Variants in RPS6KA5 observed in about 807,000 individuals in gnomAD.
The protein encoded by RPS6KA5 is ribosomal protein S6 kinase A5.
Under a neutral mutation model 85.5 loss-of-function variants are expected in RPS6KA5, and 27 were observed. The observed-to-expected ratio is 0.32, with a 90% CI of 0.23 to 0.44. The LOEUF (loss-of-function observed/expected upper bound fraction) is 0.44. Ranked by LOEUF, RPS6KA5 falls within the 20% of genes least tolerant of loss-of-function variation. RPS6KA5 has a pLI of 1.00. For missense variants in RPS6KA5, 811 were observed against 980.9 expected (o/e 0.83, Z 2.31); for synonymous variants, 334 against 348.2 (o/e 0.96, Z 0.46).
chr14:91,005,199 A>G (rs1344518339), intron 1 of RPS6KA5, among the ~76,000 whole-genome samples: 1 of 152,176 alleles, frequency 6.6e-6, no homozygotes, highest in Non-Finnish European at 1.5e-5. Flanking sequence ...CTTGGCCTAC[A>G]GTCTTTGAGT....
chr14:90,932,834 A>G (rs918612172), intron 5 of RPS6KA5, among the ~76,000 whole-genome samples: 1 of 152,134 alleles, frequency 6.6e-6, no homozygotes, highest in African/African-American at 2.4e-5. Context: ...TAGGAGATAG[A>G]TATCTGGGTT....
At chr14:90,903,248 A>G (rs968607136) in intron 8 of RPS6KA5, among the ~76,000 whole-genome samples, 6 of 138,114 alleles carry the variant, frequency 4.3e-5, no homozygotes, top group African/African-American at 1.5e-4. Flanking sequence ...TAAAGACAAC[A>G]GAAGAATACT....
intron 7 of RPS6KA5, among the ~76,000 whole-genome samples, chr14:90,910,764 C>A (rs1255956517): frequency 6.6e-6 from 1 of 151,752 alleles, no homozygotes; most frequent in Non-Finnish European, 1.5e-5. Flanking sequence ...CAGCTCACTG[C>A]AAGCTCCGCC....
chr14:90,934,063 T>C (rs1222905703), intron 5 of RPS6KA5, among the ~76,000 whole-genome samples: 4 of 152,196 alleles, frequency 2.6e-5, no homozygotes, highest in Non-Finnish European at 5.9e-5. Context: ...CCTACTATAC[T>C]TGTCTTCTTG....
chr14:90,880,441 C>T (rs1232292469), intron 14 of RPS6KA5, among the ~76,000 whole-genome samples: 3 of 152,334 alleles, frequency 2.0e-5, no homozygotes, highest in South Asian at 2.1e-4. Context: ...TGTTTTTGTA[C>T]ATGTGAGAAC....
Position 90,980,152 on chromosome 14 carries a change from A to G in RPS6KA5, c.176-1628T>C, listed in dbSNP as rs185240145. On this transcript the variant is annotated intron_variant, in intron 2 of 16. Transcript: ENST00000614987. ...GAACCTAACAAATTAGGGTATACAA[A>G]TAAAAAAATGTTTATCTATTCAGAA... Among the ~76,000 whole-genome samples the G allele has an allele frequency of 1.1e-3, 174 of 152,350 alleles. 2 individuals carry two copies. The highest frequency in any genetic ancestry group is 6.8e-3 in the Middle Eastern group (2 of 294).
At position 90,949,249 on chromosome 14, in the gene RPS6KA5, A is replaced by G. The variant is rs1169288983; in HGVS notation, c.395-1699T>C. ...ATGACACAGAAAGAAGCACGCATAT[A>G]TCAAGTGACAAACTCCTACATAGCC... On this transcript the variant is annotated intron_variant, in intron 3 of 16. Coordinates refer to ENST00000614987, the MANE Select transcript of RPS6KA5 (RefSeq NM_004755.4). 3.9e-5 allele frequency among the ~76,000 whole-genome samples: 6 copies of G among 152,252 alleles called. 1 individual carries two copies. Among genetic ancestry groups the G allele is most frequent in the African/African-American group, 1.4e-4 (6 of 41,464 alleles).
rs549180240 is a variant in RPS6KA5, at chr14:91,025,336, G to A, written c.104-24177C>T. 3.9e-5 allele frequency among the ~76,000 whole-genome samples: 6 copies of A among 152,294 alleles called. No homozygotes were observed. In the East Asian group the frequency reaches 1.2e-3, roughly 29 times the overall value. On this transcript the variant is annotated intron_variant, in intron 1 of 16. Transcript: ENST00000614987. ...TGGGATTATAGGCGTGAGCCACCAC[G>A]CCCAGTCTCCTTTTTTTCATTGAGT...
rs564354824 is a variant in RPS6KA5 at position 90,849,350 on chromosome 14, G to A, written c.*22724C>T. 6.6e-6 allele frequency: 1 copy of A among 152,206 alleles called. No homozygotes were observed. Among genetic ancestry groups the A allele is most frequent in the Non-Finnish European group, 1.5e-5 (1 of 68,044 alleles). 9.4% of individuals were successfully genotyped at this position (152,206 alleles called of 1,614,324 possible). A position where few individuals can be genotyped will look rare whatever the true frequency, so the allele number is the denominator to read the frequency against. Reference sequence around the variant, plus strand: ...GTCTGAAGACAAAAGTTTTTTAAGAGGGCACGGACTCCGGATCTTTTATCT... The same window carrying A: ...GTCTGAAGACAAAAGTTTTTTAAGAAGGCACGGACTCCGGATCTTTTATCT... On this transcript the variant is annotated 3_prime_UTR_variant, in exon 17 of 17. Coordinates refer to ENST00000614987, the MANE Select transcript of RPS6KA5 (RefSeq NM_004755.4).
At chr14:91,045,773 G>A (rs1375567163) in intron 1 of RPS6KA5, among the ~76,000 whole-genome samples, 1 of 152,076 alleles carries the variant, frequency 6.6e-6, no homozygotes, top group Non-Finnish European at 1.5e-5. Flanking sequence ...TTCTTCAACT[G>A]GAAATCTTTC....
intron 1 of RPS6KA5, among the ~76,000 whole-genome samples, chr14:91,019,614 C>T (rs1744307474): frequency 6.6e-6 from 1 of 152,100 alleles, no homozygotes; most frequent in Non-Finnish European, 1.5e-5. Context: ...ACACATAGTC[C>T]TTTACTTACA....
Position 90,875,264 on chromosome 14 carries a change from C to A in RPS6KA5, c.1933G>T (p.Asp645Tyr). The change falls in exon 15 of 17, where the codon GAT (aspartate) becomes TAT (tyrosine). Residue 645 changes from aspartate (D) to tyrosine (Y), a missense_variant. Physicochemically the swap from Asp to Tyr is radical, Grantham distance 160. Around this residue, in one of 3 missense-constraint regions of RPS6KA5, gnomAD observed 650 missense variants for 793.4 expected, o/e 0.82. Transcript: ENST00000614987. ...VEIMKKIKKG[D>Y]FSFEGEAWKN... ...CAGGCTTCTCCTTCAAAGGAGAAAT[C>A]TCCCTTTTTAATTTTCTTCATGATT... The A allele has an allele frequency of 6.2e-7, 1 of 1,613,970 alleles. No homozygotes were observed. Among genetic ancestry groups the A allele is most frequent in the Non-Finnish European group, 8.5e-7 (1 of 1,179,900 alleles).
At chr14:91,024,338 T>C (rs1472456674) in intron 1 of RPS6KA5, among the ~76,000 whole-genome samples, 1 of 152,216 alleles carries the variant, frequency 6.6e-6, no homozygotes, top group Non-Finnish European at 1.5e-5. Context: ...TTATATCATC[T>C]AATGCTTGTC....
At chr14:90,918,440 C>T (rs1267301493) in intron 7 of RPS6KA5, among the ~76,000 whole-genome samples, 2 of 152,212 alleles carry the variant, frequency 1.3e-5, no homozygotes, top group Non-Finnish European at 2.9e-5. Context: ...CTTCAGCAGA[C>T]ATATGATTTA....
chr14:91,039,238 T>G (rs535208283), intron 1 of RPS6KA5, among the ~76,000 whole-genome samples: 2 of 152,168 alleles, frequency 1.3e-5, no homozygotes, highest in Non-Finnish European at 2.9e-5. Flanking sequence ...GGGTCCTTGT[T>G]GCAGTCTCAC....
chr14:91,044,271 GA>G (rs1566901305), intron 1 of RPS6KA5, among the ~76,000 whole-genome samples: 4 of 11,920 alleles, frequency 3.4e-4, no homozygotes, highest in Non-Finnish European at 6.0e-4. Flanking sequence ...GGGAGAGAGA[GA>G]GAAAGAAAGA....
At chr14:90,884,511 T>A (rs2034063111) in intron 14 of RPS6KA5, among the ~76,000 whole-genome samples, 1 of 152,334 alleles carries the variant, frequency 6.6e-6, no homozygotes, top group African/African-American at 2.4e-5. Context: ...ATACTCGACC[T>A]ATACTGTGCT....
At chr14:90,987,346 A>G (rs752633659) in intron 2 of RPS6KA5, among the ~76,000 whole-genome samples, 14 of 151,016 alleles carry the variant, frequency 9.3e-5, no homozygotes, top group Non-Finnish European at 1.9e-4. Flanking sequence ...CAACCAAAGT[A>G]TTTTTCCCTC....
At chr14:90,913,539 TA>T (rs2035946858) in intron 7 of RPS6KA5, among the ~76,000 whole-genome samples, 1 of 152,200 alleles carries the variant, frequency 6.6e-6, no homozygotes, top group African/African-American at 2.4e-5. Flanking sequence ...CTTGTACAGT[TA>T]GATTGTTGGT....
Sources: allele counts gnomAD v4.1 joint callset (sites outside exome capture counted in the v4.1 genomes callset), GRCh38; gene constraint gnomAD v4.1.1; regional missense constraint gnomAD v4.1.1; transcripts MANE v1.5; gene names NCBI Gene and HGNC (gene_info 2026-07-23, HGNC 2026-07-21).